The following MED13 variants were observed in gnomAD, a reference collection of about 807,000 sequenced individuals.
MED13 encodes the protein mediator of RNA polymerase II transcription subunit 13.
In MED13, 23 loss-of-function variants were observed where a neutral mutation model predicts 225.2. That is an observed-to-expected ratio of 0.10 (90% confidence interval 0.07 to 0.14). The LOEUF (loss-of-function observed/expected upper bound fraction) is 0.14. Ranked by LOEUF, MED13 falls within the 10% of genes least tolerant of loss-of-function variation. The pLI is 1.00. For missense variants in MED13, 2,197 were observed against 2,594.5 expected, an observed-to-expected ratio of 0.85 and a Z score of 3.33; for synonymous variants, 942 against 889.2, an observed-to-expected ratio of 1.06 and a Z score of -1.06.
rs992406530 is a variant in MED13 at position 61,945,354 on chromosome 17, T to G, written c.*1114A>C. ...TAAAATGCCTAGAGCTGGGCTAAAT[T>G]TCAACCTTATAGCAGATCCTGAAAA... On this transcript the variant is annotated 3_prime_UTR_variant, in exon 30 of 30. Coordinates refer to ENST00000397786, the MANE Select transcript of MED13 (RefSeq NM_005121.3). The G allele has an allele frequency of 1.3e-5, 2 of 152,570 alleles. No individual in the cohort carries two copies. The highest frequency in any genetic ancestry group is 2.9e-5 in the Non-Finnish European group (2 of 68,026). The allele number at this position is 152,570 out of a possible 1,614,324, so 9.5% of individuals were successfully genotyped here.
intron 8 of MED13, among the ~76,000 whole-genome samples, chr17:62,028,538 C>G (rs565085132): frequency 1.4e-4 from 21 of 151,474 alleles, no homozygotes; most frequent in Non-Finnish European, 3.1e-4. Flanking sequence ...TAACCCTGAA[C>G]CAAAAATAAA....
At chr17:62,048,019 T>TATATACATATACATATACATATAC (rs983326428) in intron 3 of MED13, among the ~76,000 whole-genome samples, 37 of 135,252 alleles carry the variant, frequency 2.7e-4, no homozygotes, top group African/African-American at 9.3e-4. Flanking sequence ...TATATATACA[T>TATATACATATACATATACATATAC]ATATACATAT....
intron 2 of MED13, among the ~76,000 whole-genome samples, chr17:62,055,401 A>AC (rs1240127752): frequency 6.6e-6 from 1 of 152,164 alleles, no homozygotes; most frequent in East Asian, 1.9e-4. Context: ...AAAAAACAAA[A>AC]AAAAAAACCT....
chr17:62,020,274 A>G (rs1467477101), intron 8 of MED13, among the ~76,000 whole-genome samples: 5 of 152,026 alleles, frequency 3.3e-5, no homozygotes, highest in Admixed American at 6.6e-5. Flanking sequence ...TTATTGAGGT[A>G]TAACTTACAA....
At position 61,983,077 on chromosome 17, in the gene MED13, A is replaced by G. The variant is rs1322440631; in HGVS notation, c.2926T>C (p.Tyr976His). The part of the protein sequence containing the change: ...SNMDQEYGTA[Y>H]TPQTHTSFGM... ...AAAGAAGTATGAGTTTGAGGTGTAT[A>G]AGCAGTGCCATATTCTTGATCCATA... Residue 976 changes from tyrosine to histidine, a missense_variant, in exon 16 of 30, where the codon TAT becomes CAT. Around this residue, in one of 12 missense-constraint regions of MED13, gnomAD observed 160 missense variants for 184.8 expected, o/e 0.87. Transcript: ENST00000397786. 9 of 1,612,842 alleles carry G rather than the reference A, an allele frequency of 5.6e-6. No homozygotes were observed. The Admixed American group carries it at 6.7e-5, about 12-fold the overall frequency.
At chr17:62,021,611 C>T (rs1241815927) in intron 8 of MED13, among the ~76,000 whole-genome samples, 1 of 152,236 alleles carries the variant, frequency 6.6e-6, no homozygotes, top group East Asian at 1.9e-4. Context: ...GCTATTCAAT[C>T]TCGCTAATGA....
intron 3 of MED13, among the ~76,000 whole-genome samples, chr17:62,037,516 T>C (rs1001278193): frequency 6.7e-6 from 1 of 148,850 alleles, no homozygotes; most frequent in African/African-American, 2.5e-5. Context: ...AATACAAAAA[T>C]TAGCCGGAGG....
chr17:61,960,596 G>A (rs1225491687), intron 23 of MED13, among the ~76,000 whole-genome samples: 2 of 152,014 alleles, frequency 1.3e-5, no homozygotes, highest in Non-Finnish European at 2.9e-5. Flanking sequence ...TTTCAAAAAT[G>A]TTCAGCTAAA....
At chr17:62,062,603 CA>C (rs758440401) in intron 2 of MED13, among the ~76,000 whole-genome samples, 952 of 26,536 alleles carry the variant, frequency 0.036, 10 homozygotes, top group African/African-American at 0.14. Flanking sequence ...ACACACACCA[CA>C]CACACACACA....
intron 8 of MED13, among the ~76,000 whole-genome samples, chr17:62,015,944 ATATATATATATTTTTT>A (rs2080570848): frequency 7.9e-5 from 1 of 12,712 alleles, no homozygotes; most frequent in African/African-American, 2.4e-4. Context: ...ATATATATAT[ATATATATATATTTTTT>A]TTTTTTTTTT....
chr17:61,949,613 T>C (rs573268703), intron 28 of MED13, among the ~76,000 whole-genome samples: 13 of 152,184 alleles, frequency 8.5e-5, no homozygotes, highest in Non-Finnish European at 1.5e-4. Flanking sequence ...CACAGCAATC[T>C]ACACACAGCT....
At chr17:62,003,511 A>G (rs1181442847) in intron 9 of MED13, among the ~76,000 whole-genome samples, 2 of 147,920 alleles carry the variant, frequency 1.4e-5, no homozygotes, top group African/African-American at 2.5e-5. Context: ...AGGGTGAGGC[A>G]GGAGAATTGC....
At position 61,990,650 on chromosome 17, in the gene MED13, T is replaced by TATATATAC. The variant is rs1491124278; in HGVS notation, c.2263+1889_2263+1890insGTATATAT. 3.3e-3 allele frequency among the ~76,000 whole-genome samples: 469 copies of TATATATAC among 141,130 alleles called. 4 individuals carry two copies. Among genetic ancestry groups the TATATATAC allele is most frequent in the African/African-American group, 0.012 (443 of 37,186 alleles). The allele number at this position is 141,130 out of a possible 152,430, so 92.6% of individuals were successfully genotyped here. A position where few individuals can be genotyped will look rare whatever the true frequency, so the allele number is the denominator to read the frequency against. On this transcript the variant is annotated intron_variant, in intron 11 of 29. Transcript: ENST00000397786. ...GTGTATATATATATATATATATATA[T>TATATATAC]ACACACTCCCCCCCAAAACATCATG...
chr17:62,047,568 T>C (rs1328239008), intron 3 of MED13, among the ~76,000 whole-genome samples: 1 of 151,264 alleles, frequency 6.6e-6, no homozygotes, highest in African/African-American at 2.4e-5. Context: ...ATAGGGAGCA[T>C]GGAGAGGGAG....
intron 16 of MED13, among the ~76,000 whole-genome samples, chr17:61,975,154 TGAA>T (rs753664866): frequency 1.3e-4 from 19 of 143,556 alleles, no homozygotes; most frequent in Non-Finnish European, 2.6e-4. Flanking sequence ...AAAAAAAAAA[TGAA>T]AAGACAATCC....
intron 8 of MED13, among the ~76,000 whole-genome samples, chr17:62,015,930 A>T (rs1350915819): frequency 7.5e-4 from 5 of 6,658 alleles, no homozygotes; most frequent in East Asian, 8.8e-3. Flanking sequence ...ATATATATAT[A>T]TATATATATA....
At chr17:61,949,338 T>G (rs2079877555) in intron 28 of MED13, among the ~76,000 whole-genome samples, 1 of 151,712 alleles carries the variant, frequency 6.6e-6, no homozygotes, top group Non-Finnish European at 1.5e-5. Flanking sequence ...CGATCCTCCC[T>G]CCTGCCCCAG....
intron 9 of MED13, among the ~76,000 whole-genome samples, chr17:61,997,621 T>C (rs2080357396): frequency 6.6e-6 from 1 of 152,172 alleles, no homozygotes; most frequent in African/African-American, 2.4e-5. Flanking sequence ...ATGTGGAAAT[T>C]ATGTAAAATC....
At chr17:62,062,971 C>G in intron 2 of MED13, 96 bp downstream of exon 2, 2 of 875,910 alleles carry the variant, frequency 2.3e-6, no homozygotes, top group East Asian at 2.5e-5. Flanking sequence ...CCTAAGTCTC[C>G]CACAAAAACA....
Sources: allele counts gnomAD v4.1 joint callset (sites outside exome capture counted in the v4.1 genomes callset), GRCh38; gene constraint gnomAD v4.1.1; regional missense constraint gnomAD v4.1.1; transcripts MANE v1.5; gene names NCBI Gene and HGNC (gene_info 2026-07-23, HGNC 2026-07-21).